Variants in ADCY9 observed in about 807,000 individuals in gnomAD.
ADCY9 encodes adenylate cyclase type 9.
Under a neutral mutation model 101.5 loss-of-function variants are expected in ADCY9, and 50 were observed. The observed-to-expected ratio is 0.49, with a 90% CI of 0.39 to 0.62. The LOEUF (loss-of-function observed/expected upper bound fraction) is 0.62, where lower values mean the gene tolerates loss of function less well. Ranked by LOEUF, ADCY9 falls within the 20% of genes least tolerant of loss-of-function variation. ADCY9 has a pLI of 0.00. For synonymous variants in ADCY9, 905 were observed against 769.3 expected (o/e 1.18, Z -2.92); for missense variants, 1,662 against 1,800.4 (o/e 0.92, Z 1.39).
chr16:4,026,229 A>T (rs1314369602), intron 2 of ADCY9, among the ~76,000 whole-genome samples: 1 of 152,154 alleles, frequency 6.6e-6, no homozygotes, highest in East Asian at 1.9e-4. Flanking sequence ...GTCTGAGACC[A>T]GCGTAGGCAA....
At chr16:3,979,634 G>C (rs1463528663) in intron 7 of ADCY9, among the ~76,000 whole-genome samples, 1 of 152,268 alleles carries the variant, frequency 6.6e-6, no homozygotes, top group Non-Finnish European at 1.5e-5. Flanking sequence ...CAGCTTCTGA[G>C]GCAGGAGGTC....
chr16:4,028,834 G>C (rs536097958), intron 2 of ADCY9, among the ~76,000 whole-genome samples: 49 of 151,226 alleles, frequency 3.2e-4, no homozygotes, highest in African/African-American at 1.2e-3. Flanking sequence ...ACCCAAGCTA[G>C]AGTGCAGTGG....
At chr16:4,051,631 GGACAATCTGGGTATC>G (rs2056702526) in intron 2 of ADCY9, among the ~76,000 whole-genome samples, 1 of 152,114 alleles carries the variant, frequency 6.6e-6, no homozygotes, top group Non-Finnish European at 1.5e-5. Flanking sequence ...GCCAAATCTG[GGACAATCTGGGTATC>G]GAAGCAAATG....
intron 2 of ADCY9, among the ~76,000 whole-genome samples, chr16:4,062,764 G>A (rs2056780251): frequency 1.3e-5 from 2 of 152,108 alleles, no homozygotes; most frequent in South Asian, 2.1e-4. Context: ...AAGAAATTTT[G>A]TAACAATAAA....
chr16:3,984,177 C>T (rs2056170749), intron 6 of ADCY9: 1 of 152,282 alleles, frequency 6.6e-6, no homozygotes, highest in Non-Finnish European at 1.5e-5. Flanking sequence ...AGATGAGTTA[C>T]TGACTGGCGC....
chr16:4,112,569 GTCTCTGATTGAAACTATTACTTCTGCCA>G (rs2057120657), intron 2 of ADCY9, among the ~76,000 whole-genome samples: 2 of 151,954 alleles, frequency 1.3e-5, no homozygotes, highest in East Asian at 2.0e-4. Context: ...TACTTCTGCC[GTCTCTGATTGAAACTATTACTTCTGCCA>G]TCTCTGATTG....
At chr16:4,080,719 T>TG (rs1228007804) in intron 2 of ADCY9, among the ~76,000 whole-genome samples, 4 of 6,458 alleles carry the variant, frequency 6.2e-4, no homozygotes, top group Non-Finnish European at 1.3e-3. Context: ...ATTTTTTTCG[T>TG]TTTTTTTTTT....
intron 2 of ADCY9, among the ~76,000 whole-genome samples, chr16:4,039,593 C>A (rs545353985): frequency 6.7e-5 from 10 of 148,586 alleles, no homozygotes; most frequent in Admixed American, 1.4e-4. Flanking sequence ...ATAGGAGAAT[C>A]ACTTGAACCT....
In ADCY9 at chr16:4,115,002, G is replaced by A. The variant is rs2057139632; in HGVS notation, c.441C>T (p.Ala147=). 6.2e-7 allele frequency: 1 copy of A among 1,613,986 alleles called. No homozygotes were observed. Among genetic ancestry groups the A allele is most frequent in the African/African-American group, 1.3e-5 (1 of 74,948 alleles). The change falls in exon 2 of 11, where the codon GCC becomes GCT. Residue 147 remains alanine (A), a synonymous_variant. Coordinates refer to ENST00000294016, the MANE Select transcript of ADCY9 (RefSeq NM_001116.4). This position sits in a 1 kb window ranked among gnomAD's most constrained non-coding sequence, Gnocchi z 6.2. Reference sequence around the variant, plus strand: ...ACACCAGGAGGAAGCACAGCGCGGGGGCGACCATGACGATCAGTCTGGATC... The same window carrying A: ...ACACCAGGAGGAAGCACAGCGCGGGAGCGACCATGACGATCAGTCTGGATC... ...HMRSRLIVMV[A]PALCFLLVCV...
intron 2 of ADCY9, among the ~76,000 whole-genome samples, chr16:4,010,593 A>T (rs1044887242): frequency 1.3e-5 from 2 of 152,186 alleles, no homozygotes; most frequent in Non-Finnish European, 2.9e-5. Flanking sequence ...TTTGGCCGAG[A>T]TCGTGACCTG....
At chr16:3,967,549 C>A (rs1455145704) in intron 10 of ADCY9, among the ~76,000 whole-genome samples, 1 of 151,798 alleles carries the variant, frequency 6.6e-6, no homozygotes, top group Non-Finnish European at 1.5e-5. Context: ...ACCACCACAC[C>A]TAGCTAATTA....
chr16:4,109,865 C>G (rs2057102250), intron 2 of ADCY9, among the ~76,000 whole-genome samples: 1 of 152,196 alleles, frequency 6.6e-6, no homozygotes, highest in African/African-American at 2.4e-5. Flanking sequence ...ACCTAAGCCC[C>G]CTGTTGAGTG....
At chr16:4,026,216 G>C (rs957316612) in intron 2 of ADCY9, among the ~76,000 whole-genome samples, 2 of 152,134 alleles carry the variant, frequency 1.3e-5, no homozygotes, top group Non-Finnish European at 2.9e-5. Flanking sequence ...CCTGAGGTCA[G>C]GAGTCTGAGA....
chr16:4,108,384 T>TTTTTTC (rs2057091905), intron 2 of ADCY9, among the ~76,000 whole-genome samples: 1 of 143,156 alleles, frequency 7.0e-6, no homozygotes, highest in Non-Finnish European at 1.5e-5. Flanking sequence ...TTTTTTTTTT[T>TTTTTTC]TTTTTTGGCG....
At chr16:4,036,299 C>T (rs1469143381) in intron 2 of ADCY9, among the ~76,000 whole-genome samples, 3 of 151,912 alleles carry the variant, frequency 2.0e-5, no homozygotes, top group Admixed American at 1.3e-4. Flanking sequence ...GAGCAGAATG[C>T]TTTTTCTTTG....
intron 2 of ADCY9, among the ~76,000 whole-genome samples, chr16:4,013,010 C>T (rs574967212): frequency 1.5e-3 from 229 of 152,054 alleles, no homozygotes; most frequent in African/African-American, 4.9e-3. Context: ...CCGGCACTCT[C>T]GGAGGCCGCG....
intron 7 of ADCY9, chr16:3,982,999 G>A (rs889496691): frequency 5.2e-6 from 3 of 572,998 alleles, no homozygotes; most frequent in Admixed American, 6.2e-5. Flanking sequence ...CAGCGGTTGG[G>A]GCTGTGGAGG....
intron 2 of ADCY9, among the ~76,000 whole-genome samples, chr16:4,097,232 C>T (rs1389134818): frequency 6.6e-6 from 1 of 151,888 alleles, no homozygotes; most frequent in Non-Finnish European, 1.5e-5. Flanking sequence ...CACACTCTGG[C>T]GCCCCTGGGC....
intron 7 of ADCY9, among the ~76,000 whole-genome samples, chr16:3,980,644 C>T (rs1184796988): frequency 6.6e-6 from 1 of 152,238 alleles, no homozygotes; most frequent in Non-Finnish European, 1.5e-5. Context: ...GCTCACTCTC[C>T]AGCCATTCCC....
Sources: gnomAD v4.1 joint callset for allele counts (sites outside exome capture counted in the v4.1 genomes callset) on GRCh38, gnomAD v4.1.1 for gene constraint, Gnocchi (gnomAD v3.1) non-coding constraint, MANE v1.5 for transcripts, NCBI Gene and HGNC (gene_info 2026-07-23, HGNC 2026-07-21) for gene names.